The following DYSF variants were observed in gnomAD, a reference collection of about 807,000 sequenced individuals.
DYSF encodes the protein dysferlin.
DYSF carries 212 observed loss-of-function variants against 274.9 expected under a neutral mutation model. That is an observed-to-expected ratio of 0.77 (90% confidence interval 0.69 to 0.86). The LOEUF is 0.86. Among genes scored for constraint, DYSF ranks in the 40% least tolerant of loss-of-function variants. The pLI is 0.00. For missense variants in DYSF, 2,666 were observed against 2,783.2 expected, an observed-to-expected ratio of 0.96 and a Z score of 0.95; for synonymous variants, 1,091 against 1,078.7, an observed-to-expected ratio of 1.01 and a Z score of -0.22.
chr2:71,541,455 TTCTC>T (rs1172007040), intron 17 of DYSF, among the ~76,000 whole-genome samples: 2 of 152,172 alleles, frequency 1.3e-5, no homozygotes, highest in Admixed American at 6.5e-5. Context: ...ATTTGAATAA[TTCTC>T]TCTACCTGTG....
upstream of DYSF, among the ~76,000 whole-genome samples, chr2:71,466,441 G>A (rs2081534843): frequency 6.6e-6 from 1 of 152,176 alleles, no homozygotes; most frequent in Non-Finnish European, 1.5e-5. Context: ...TTGGTCACCG[G>A]AGGCCCCCGC....
intron 6 of DYSF, 94 bp downstream of exon 6, chr2:71,513,426 G>T: frequency 7.5e-7 from 1 of 1,337,328 alleles, no homozygotes; most frequent in Non-Finnish European, 1.0e-6. Context: ...GGGCCAGGTG[G>T]CAGAGGACTC....
At chr2:71,669,784 G>C (rs757109128) in intron 51 of DYSF, 38 bp downstream of exon 51, 2 of 1,613,984 alleles carry the variant, frequency 1.2e-6, no homozygotes, top group South Asian at 2.2e-5. Context: ...GCCAGCACCA[G>C]GGCTTCTAAA....
chr2:71,479,646 C>G (rs1054546290), intron 1 of DYSF, among the ~76,000 whole-genome samples: 2 of 152,214 alleles, frequency 1.3e-5, no homozygotes, highest in African/African-American at 4.8e-5. Flanking sequence ...TCTTTCAAGC[C>G]TCACCTGCCC....
intron 21 of DYSF, among the ~76,000 whole-genome samples, chr2:71,555,169 G>C (rs2091251826): frequency 6.6e-6 from 1 of 152,188 alleles, no homozygotes. Flanking sequence ...CGAATGCTGA[G>C]ATGGGGAGAA....
intron 12 of DYSF, among the ~76,000 whole-genome samples, chr2:71,523,154 T>C (rs904737836): frequency 3.9e-5 from 6 of 152,346 alleles, no homozygotes; most frequent in African/African-American, 9.6e-5. Context: ...TTCTCCACTG[T>C]GATCATCATG....
intron 36 of DYSF, among the ~76,000 whole-genome samples, chr2:71,606,424 A>C (rs2093648808): frequency 6.6e-6 from 1 of 152,056 alleles, no homozygotes; most frequent in Non-Finnish European, 1.5e-5. Flanking sequence ...ACAGTGAATC[A>C]GGATGTTCTG....
At chr2:71,527,675 C>T (rs565205586) in intron 13 of DYSF, among the ~76,000 whole-genome samples, 4 of 152,244 alleles carry the variant, frequency 2.6e-5, no homozygotes, top group East Asian at 1.9e-4. Flanking sequence ...TATTAGCTAG[C>T]GTATAATCTT....
chr2:71,638,748 G>A (rs1417102466), intron 41 of DYSF, among the ~76,000 whole-genome samples: 1 of 152,144 alleles, frequency 6.6e-6, no homozygotes, highest in Non-Finnish European at 1.5e-5. Context: ...TCATATCTGA[G>A]TCTTTCCACC....
At position 71,667,534 on chromosome 2, in the gene DYSF, G is replaced by C. The variant is rs1401458709; in HGVS notation, c.5457+19G>C. On this transcript the variant is annotated intron_variant, in intron 48 of 55. Transcript: ENST00000410020. ...CGAGCAGGTAGGACCTTGACCCTTGGGTCCCAGAGTCCTCGAACTCCAGAA... is the reference window on the plus strand; with the variant it reads ...CGAGCAGGTAGGACCTTGACCCTTGCGTCCCAGAGTCCTCGAACTCCAGAA... The C allele has an allele frequency of 6.2e-7, 1 of 1,613,858 alleles. No individual in the cohort carries two copies. The highest frequency in any genetic ancestry group is 1.7e-5 in the Admixed American group (1 of 59,996).
At chr2:71,623,956 C>A (rs1414538624) in intron 41 of DYSF, among the ~76,000 whole-genome samples, 1 of 152,104 alleles carries the variant, frequency 6.6e-6, no homozygotes, top group African/African-American at 2.4e-5. Flanking sequence ...GTAGTCCCAG[C>A]TATTCAGGAG....
chr2:71,488,456 A>G (rs749902342), intron 3 of DYSF, among the ~76,000 whole-genome samples: 1 of 152,202 alleles, frequency 6.6e-6, no homozygotes, highest in African/African-American at 2.4e-5. Context: ...GCAGTGATTC[A>G]CTAACCCCAG....
At chr2:71,491,114 G>T (rs551247624) in intron 3 of DYSF, among the ~76,000 whole-genome samples, 1 of 152,076 alleles carries the variant, frequency 6.6e-6, no homozygotes, top group Admixed American at 6.5e-5. Context: ...CTAGTAGAAC[G>T]GACCAAAAAA....
intron 17 of DYSF, 86 bp downstream of exon 17, chr2:71,539,325 GT>G (rs1413285889): frequency 7.9e-7 from 1 of 1,260,088 alleles, no homozygotes; most frequent in African/African-American, 1.5e-5. Context: ...AGTTTTGAGA[GT>G]TTGCAGAAAA....
chr2:71,494,228 G>A (rs1159361915), intron 3 of DYSF, among the ~76,000 whole-genome samples: 6 of 152,088 alleles, frequency 3.9e-5, no homozygotes, highest in Admixed American at 2.0e-4. Flanking sequence ...TTTGTTTGAT[G>A]TTTTCTCATG....
rs1053869797 is a variant in DYSF, at chr2:71,665,452, C to T, written c.5317+148C>T. ...TCTCCAGGGCAGCACAGATGGGCTC[C>T]ACTTGCACTTGGTACTTTGAGGATC... is the stretch of plus-strand genomic sequence containing the variant. On this transcript the variant is annotated intron_variant, in intron 47 of 55. Transcript: ENST00000410020. 7 of 960,730 alleles carry T rather than the reference C, an allele frequency of 7.3e-6. No individual in the cohort carries two copies. In the East Asian group the frequency reaches 1.8e-4, roughly 25 times the overall value. 59.5% of individuals were successfully genotyped at this position (960,730 alleles called of 1,614,324 possible).
chr2:71,571,074 A>C (rs1212047219), intron 29 of DYSF, among the ~76,000 whole-genome samples: 1 of 142,544 alleles, frequency 7.0e-6, no homozygotes, highest in African/African-American at 3.0e-5. Flanking sequence ...CCCAGCACAC[A>C]GATTACACCC....
At chr2:71,470,737 T>TTTCCTTCTTTCCTTCCTTCCTTCC (rs2081961180) in intron 1 of DYSF, among the ~76,000 whole-genome samples, 2 of 96,044 alleles carry the variant, frequency 2.1e-5, no homozygotes, top group Non-Finnish European at 3.8e-5. Context: ...TCCTTCCTTC[T>TTTCCTTCTTTCCTTCCTTCCTTCC]TTCCTTCCTT....
At chr2:71,585,193 C>G (rs756260258) in intron 30 of DYSF, among the ~76,000 whole-genome samples, 1 of 152,240 alleles carries the variant, frequency 6.6e-6, no homozygotes, top group Non-Finnish European at 1.5e-5. Flanking sequence ...CATCCTACGA[C>G]GCACAGGACA....
Sources: gnomAD v4.1 joint callset for allele counts (sites outside exome capture counted in the v4.1 genomes callset) on GRCh38, gnomAD v4.1.1 for gene constraint, MANE v1.5 for transcripts, NCBI Gene and HGNC (gene_info 2026-07-23, HGNC 2026-07-21) for gene names.